Variants in UBOX5 observed in about 807,000 individuals in gnomAD.
UBOX5 encodes the protein RING finger protein 37.
A neutral mutation model predicts 39.0 loss-of-function variants in UBOX5; 28 were observed. The observed-to-expected ratio is 0.72, with a 90% confidence interval of 0.53 to 0.98. The LOEUF (loss-of-function observed/expected upper bound fraction) is 0.98, where lower values mean the gene tolerates loss of function less well. UBOX5 is among the 50% of genes least tolerant of loss of function. UBOX5 has a pLI of 0.00. For synonymous variants in UBOX5, 283 were observed against 275.5 expected (o/e 1.03, Z -0.27); for missense variants, 585 against 674.4 (o/e 0.87, Z 1.47).
At chr20:3,144,533 CAT>C (rs1033285442) in intron 1 of UBOX5, among the ~76,000 whole-genome samples, 1 of 152,122 alleles carries the variant, frequency 6.6e-6, no homozygotes, top group African/African-American at 2.4e-5. Flanking sequence ...TGAGAAAAGA[CAT>C]AGGGGTAAAT....
chr20:3,127,014 C>A (rs185530169), intron 1 of UBOX5, among the ~76,000 whole-genome samples: 6 of 112,012 alleles, frequency 5.4e-5, no homozygotes, highest in African/African-American at 2.2e-4. Context: ...CCAGCCTGGG[C>A]GACAAGAGCA....
intron 3 of UBOX5, among the ~76,000 whole-genome samples, chr20:3,117,470 G>A (rs2148590322): frequency 6.6e-6 from 1 of 152,222 alleles, no homozygotes; most frequent in African/African-American, 2.4e-5. Context: ...GATTGCCTGA[G>A]CTCAGGAGTT....
intron 1 of UBOX5, among the ~76,000 whole-genome samples, chr20:3,155,052 C>CAAAA (rs11326176): frequency 1.5e-4 from 14 of 96,044 alleles, no homozygotes; most frequent in African/African-American, 5.5e-4. Context: ...GACACAGTCT[C>CAAAA]AAAAAAAAAA....
At chr20:3,156,393 G>A (rs2066686109) in intron 1 of UBOX5, among the ~76,000 whole-genome samples, 1 of 151,954 alleles carries the variant, frequency 6.6e-6, no homozygotes, top group East Asian at 1.9e-4. Flanking sequence ...TGGTCAGGCT[G>A]GTCTCAAACT....
At chr20:3,153,517 C>A (rs1245034560) in intron 1 of UBOX5, among the ~76,000 whole-genome samples, 5 of 152,122 alleles carry the variant, frequency 3.3e-5, no homozygotes, top group Non-Finnish European at 2.9e-5. Flanking sequence ...TTGAGTGGAG[C>A]CTAATATTAA....
chr20:3,155,062 AAAAAAAAAAAG>A lies in UBOX5; in HGVS notation c.-42+4693_-42+4703del, dbSNP rs756936657. Among the ~76,000 whole-genome samples, 1,166 of 150,684 alleles carry A rather than the reference AAAAAAAAAAAG, an allele frequency of 7.7e-3. 6 individuals are homozygous for A. Among genetic ancestry groups the A allele is most frequent in the Non-Finnish European group, 0.012 (789 of 67,668 alleles). On this transcript the variant is annotated intron_variant, in intron 1 of 4. Transcript: ENST00000217173. ...AGCAAGACACAGTCTCAAAAAAAAAAAAAAAAAAAAGAAAAGAAAAGAAAAGAAAAAATAAA... is the reference window on the plus strand; with the variant it reads ...AGCAAGACACAGTCTCAAAAAAAAAAAAAAGAAAAGAAAAGAAAAAATAAA...
intron 1 of UBOX5, among the ~76,000 whole-genome samples, chr20:3,124,095 T>C (rs2066358800): frequency 6.6e-6 from 1 of 152,126 alleles, no homozygotes. Flanking sequence ...CACAACTATT[T>C]GGGAGGCTGA....
chr20:3,118,324 T>G, intron 3 of UBOX5, among the ~76,000 whole-genome samples: 1 of 151,068 alleles, frequency 6.6e-6, no homozygotes, highest in African/African-American at 2.4e-5. Context: ...AATACAAAAA[T>G]TAGCTGGGCA....
chr20:3,140,864 G>GC (rs1224302449), intron 1 of UBOX5, among the ~76,000 whole-genome samples: 1 of 148,266 alleles, frequency 6.7e-6, no homozygotes, highest in African/African-American at 2.5e-5. Flanking sequence ...AACCTTTGCT[G>GC]CCCCCTCTCC....
chr20:3,147,248 G>C, intron 1 of UBOX5: 1 of 1,614,208 alleles, frequency 6.2e-7, no homozygotes, highest in African/African-American at 1.3e-5. Flanking sequence ...TTCAGCCGGC[G>C]TGGCTTCTCT....
rs1224640324 is a variant in UBOX5 at position 3,121,713 on chromosome 20, C to T, written c.926G>A (p.Gly309Glu). 6.2e-7 allele frequency: 1 copy of T among 1,614,020 alleles called. No homozygotes were observed. The highest frequency in any genetic ancestry group is 1.7e-5 in the Admixed American group (1 of 60,012). The stretch of plus-strand genomic sequence containing the variant: ...CTGAGAGTGCGGAGTAAAAGCTACC[C>T]CCGTGAAAGGGTCACTGGGCACTCG... ...WGRVPSDPFT[G>E]VAFTPHSQPL... Residue 309 changes from glycine (G) to glutamate (E), a missense_variant, in exon 3 of 5, where the codon GGG (glycine) becomes GAG (glutamate). By Grantham distance (98) the Gly-to-Glu change is moderately conservative. Transcript: ENST00000217173.
intron 1 of UBOX5, among the ~76,000 whole-genome samples, chr20:3,132,007 CAAA>C (rs35711232): frequency 1.9e-5 from 1 of 52,142 alleles, no homozygotes; most frequent in East Asian, 6.0e-4. Context: ...GACACTGTCT[CAAA>C]AAAAAAAAAA....
At chr20:3,126,332 C>T (rs1385093228) in intron 1 of UBOX5, among the ~76,000 whole-genome samples, 1 of 151,686 alleles carries the variant, frequency 6.6e-6, no homozygotes, top group African/African-American at 2.4e-5. Context: ...GAGTCATCAC[C>T]ACTCCCTAAT....
chr20:3,118,528 T>C (rs1277744692), intron 3 of UBOX5, among the ~76,000 whole-genome samples: 1 of 151,566 alleles, frequency 6.6e-6, no homozygotes. Context: ...CCCAGCACTT[T>C]GGGAGGCCGA....
At chr20:3,123,763 G>A (rs188014085) in intron 1 of UBOX5, among the ~76,000 whole-genome samples, 1 of 152,334 alleles carries the variant, frequency 6.6e-6, no homozygotes, top group African/African-American at 2.4e-5. Flanking sequence ...AGAGTGTTCG[G>A]AATGGAAAGG....
intron 1 of UBOX5, among the ~76,000 whole-genome samples, chr20:3,157,634 C>A (rs3827132): frequency 0.4 from 60,720 of 152,018 alleles, 13,998 homozygotes; most frequent in East Asian, 0.55. Context: ...GAAAACCTCT[C>A]CATATAACAA....
At chr20:3,111,040 T>G (rs2066250125) in intron 4 of UBOX5, among the ~76,000 whole-genome samples, 1 of 152,086 alleles carries the variant, frequency 6.6e-6, no homozygotes, top group African/African-American at 2.4e-5. Flanking sequence ...TCAGTCCCCC[T>G]CCTGTGCTGC....
chr20:3,135,368 G>C lies in UBOX5; in HGVS notation c.-41-11962C>G, dbSNP rs114747182. Among the ~76,000 whole-genome samples, 1,228 of 152,248 alleles carry C rather than the reference G, an allele frequency of 8.1e-3. 24 individuals carry two copies. The highest frequency in any genetic ancestry group is 0.028 in the African/African-American group (1,162 of 41,538). Reference sequence around the variant, plus strand: ...ATGAACAAAAGAGAAGGAGCCCTGGGGAAAGGGATCAGGAAGTGTCAAGGC... The same window carrying C: ...ATGAACAAAAGAGAAGGAGCCCTGGCGAAAGGGATCAGGAAGTGTCAAGGC... On this transcript the variant is annotated intron_variant, in intron 1 of 4. Transcript: ENST00000217173.
At chr20:3,154,811 T>C (rs766872868) in intron 1 of UBOX5, among the ~76,000 whole-genome samples, 33 of 151,880 alleles carry the variant, frequency 2.2e-4, no homozygotes, top group Admixed American at 5.3e-4. Flanking sequence ...GAGCAAACTA[T>C]ATTGGGAGGA....
Sources: gnomAD v4.1 joint callset for allele counts (sites outside exome capture counted in the v4.1 genomes callset) on GRCh38, gnomAD v4.1.1 for gene constraint, MANE v1.5 for transcripts, NCBI Gene and HGNC (gene_info 2026-07-23, HGNC 2026-07-21) for gene names.